The following CDH18 variants were observed in gnomAD, a reference collection of about 807,000 sequenced individuals.
The protein encoded by CDH18 is cadherin 18.
In CDH18, 31 loss-of-function variants were observed where a neutral mutation model predicts 67.9. The ratio of observed to expected loss-of-function variants is 0.46; its 90% CI spans 0.34 to 0.62. The LOEUF (loss-of-function observed/expected upper bound fraction) is 0.62, where lower values mean the gene tolerates loss of function less well. CDH18 is among the 20% of genes least tolerant of loss of function. The pLI, the probability that CDH18 is intolerant of heterozygous loss-of-function variation, is 0.01. For synonymous variants in CDH18, 362 were observed against 347.2 expected, an observed-to-expected ratio of 1.04 and a Z score of -0.48; for missense variants, 890 against 975.5, an observed-to-expected ratio of 0.91 and a Z score of 1.17.
chr5:19,611,387 A>C (rs1249566743), intron 6 of CDH18, among the ~76,000 whole-genome samples: 1 of 152,214 alleles, frequency 6.6e-6, no homozygotes, highest in East Asian at 1.9e-4. Flanking sequence ...AAACTGTTCT[A>C]ATTCTGCAAC....
chr5:20,128,157 T>C (rs1480245987), intron 2 of CDH18, among the ~76,000 whole-genome samples: 4 of 152,044 alleles, frequency 2.6e-5, no homozygotes, highest in Non-Finnish European at 5.9e-5. Flanking sequence ...TCAGTCTGTA[T>C]CGCTAAACAG....
chr5:19,873,434 T>C (rs1227057561), intron 2 of CDH18, among the ~76,000 whole-genome samples: 3 of 151,966 alleles, frequency 2.0e-5, no homozygotes, highest in Non-Finnish European at 4.4e-5. Context: ...TACCATAAAA[T>C]ATAATATAAA....
At chr5:20,265,112 TATTAG>T (rs1330518243) in intron 1 of CDH18, among the ~76,000 whole-genome samples, 1 of 152,170 alleles carries the variant, frequency 6.6e-6, no homozygotes, top group Non-Finnish European at 1.5e-5. Flanking sequence ...CAGTTATTCA[TATTAG>T]ATTATAGTTA....
intron 2 of CDH18, among the ~76,000 whole-genome samples, chr5:19,975,369 A>G (rs572261365): frequency 1.3e-5 from 2 of 152,256 alleles, no homozygotes; most frequent in African/African-American, 2.4e-5. Context: ...ATAAAATTCA[A>G]TATGTTGGGA....
intron 2 of CDH18, among the ~76,000 whole-genome samples, chr5:20,074,211 G>A (rs554560755): frequency 2.0e-5 from 3 of 152,086 alleles, no homozygotes; most frequent in Non-Finnish European, 4.4e-5. Context: ...TATACTGCTG[G>A]AAATATGGCT....
intron 2 of CDH18, among the ~76,000 whole-genome samples, chr5:20,163,344 A>C (rs540854708): frequency 6.6e-6 from 1 of 152,166 alleles, no homozygotes; most frequent in Non-Finnish European, 1.5e-5. Flanking sequence ...TTCTAAAAAA[A>C]GTATCATTTC....
At chr5:19,594,141 A>AT (rs1267414296) in intron 6 of CDH18, among the ~76,000 whole-genome samples, 1 of 151,748 alleles carries the variant, frequency 6.6e-6, no homozygotes, top group Non-Finnish European at 1.5e-5. Context: ...TTTTCAATGC[A>AT]TTTTTTTGTT....
intron 11 of CDH18, among the ~76,000 whole-genome samples, chr5:19,501,690 T>A (rs752214428): frequency 4.6e-5 from 7 of 152,070 alleles, no homozygotes; most frequent in Non-Finnish European, 8.8e-5. Flanking sequence ...AAAATATAAA[T>A]TTTTATTGGA....
In CDH18 at chr5:19,721,426, G is replaced by A. The variant is rs374228832; in HGVS notation, c.564C>T (p.Asp188=). The A allele has an allele frequency of 4.1e-5, 66 of 1,612,268 alleles. No individual in the cohort carries two copies. In the East Asian group the frequency reaches 4.9e-4, roughly 12 times the overall value. Residue 188 remains aspartate, a synonymous_variant, in exon 5 of 13, where the codon GAC becomes GAT. Transcript: ENST00000382275. ...VLQVTATDAD[D]PTYGNSARVV... ...CCCGAGCGCTGTTTCCATAGGTAGGGTCATCTGCATCAGTAGCTGTCACCT... is the reference window on the plus strand; with the variant it reads ...CCCGAGCGCTGTTTCCATAGGTAGGATCATCTGCATCAGTAGCTGTCACCT...
upstream of CDH18, among the ~76,000 whole-genome samples, chr5:19,989,198 T>C (rs758440009): frequency 6.6e-6 from 1 of 152,160 alleles, no homozygotes; most frequent in Non-Finnish European, 1.5e-5. Flanking sequence ...TAGGAGTTTA[T>C]CTAAATTGAA....
intron 2 of CDH18, among the ~76,000 whole-genome samples, chr5:20,187,633 T>G (rs2126706209): frequency 6.6e-6 from 1 of 152,084 alleles, no homozygotes; most frequent in Non-Finnish European, 1.5e-5. Flanking sequence ...TTATCTTGTT[T>G]GCTAATTTTG....
At chr5:20,345,503 CT>C (rs1337772959) in intron 1 of CDH18, among the ~76,000 whole-genome samples, 1 of 151,990 alleles carries the variant, frequency 6.6e-6, no homozygotes, top group African/African-American at 2.4e-5. Flanking sequence ...CTCTGTAGCT[CT>C]TTTTTATTAT....
At chr5:19,612,688 C>G (rs1204200129) in intron 5 of CDH18, 87 bp from the exon 6 acceptor site, 1 of 998,830 alleles carries the variant, frequency 1.0e-6, no homozygotes, top group African/African-American at 1.6e-5. Context: ...TAAGAAATGT[C>G]TTTTAAAATA....
chr5:20,412,542 G>A (rs1016851203), intron 1 of CDH18, among the ~76,000 whole-genome samples: 1 of 152,146 alleles, frequency 6.6e-6, no homozygotes, highest in Non-Finnish European at 1.5e-5. Flanking sequence ...CATAACAAGA[G>A]AAACAGTGCA....
At chr5:19,672,354 T>G (rs1292664562) in intron 5 of CDH18, among the ~76,000 whole-genome samples, 1 of 152,164 alleles carries the variant, frequency 6.6e-6, no homozygotes, top group African/African-American at 2.4e-5. Context: ...ACAGAACTTC[T>G]GTGAGAACTG....
At chr5:20,163,146 C>T (rs1374161976) in intron 2 of CDH18, among the ~76,000 whole-genome samples, 2 of 151,990 alleles carry the variant, frequency 1.3e-5, no homozygotes, top group East Asian at 3.9e-4. Context: ...CCTCACACTG[C>T]TTCATCTATT....
intron 2 of CDH18, among the ~76,000 whole-genome samples, chr5:19,968,864 G>A (rs2150328593): frequency 6.9e-6 from 1 of 144,454 alleles, no homozygotes; most frequent in East Asian, 1.9e-4. Context: ...AAACTAAAGA[G>A]CTTCTGCACA....
At chr5:20,545,456 C>A (rs1279750061) in intron 1 of CDH18, among the ~76,000 whole-genome samples, 1 of 152,206 alleles carries the variant, frequency 6.6e-6, no homozygotes, top group East Asian at 1.9e-4. Flanking sequence ...CCAGGCATTT[C>A]CTCACATCAT....
intron 2 of CDH18, among the ~76,000 whole-genome samples, chr5:19,889,670 A>G (rs889394476): frequency 6.6e-6 from 1 of 152,122 alleles, no homozygotes; most frequent in Admixed American, 6.6e-5. Flanking sequence ...GAAGGTTTTT[A>G]TAGTACTTGA....
Sources: gnomAD v4.1 joint callset for allele counts (sites outside exome capture counted in the v4.1 genomes callset) on GRCh38, gnomAD v4.1.1 for gene constraint, MANE v1.5 for transcripts, NCBI Gene and HGNC (gene_info 2026-07-23, HGNC 2026-07-21) for gene names.